OTOG: variants seen among roughly 807,000 people sequenced by gnomAD.
OTOG encodes the protein otogelin.
A neutral mutation model predicts 313.8 loss-of-function variants in OTOG; 296 were observed. The ratio of observed to expected loss-of-function variants is 0.94; its 90% CI spans 0.86 to 1.04. The LOEUF is 1.04. Ranked by LOEUF, OTOG falls within the 50% of genes least tolerant of loss-of-function variation. OTOG has a pLI of 0.00. For synonymous variants in OTOG, 1,533 were observed against 1,554.9 expected (o/e 0.99, Z 0.33); for missense variants, 3,948 against 3,840.1 (o/e 1.03, Z -0.74).
At chr11:17,592,834 A>G (rs898679998) in intron 25 of OTOG, among the ~76,000 whole-genome samples, 3 of 152,246 alleles carry the variant, frequency 2.0e-5, no homozygotes, top group Non-Finnish European at 4.4e-5. Context: ...AGCTACATAC[A>G]TTTAAAATAT....
rs1853517103 is a variant in OTOG at position 17,610,875 on chromosome 11, G to C, written c.5575G>C (p.Ala1859Pro). 1 of 1,550,748 alleles carries C rather than the reference G, an allele frequency of 6.4e-7. No individual in the cohort carries two copies. Among genetic ancestry groups the C allele is most frequent in the East Asian group, 2.4e-5 (1 of 40,904 alleles). The part of the protein sequence containing the change: ...LPFTPAAMTQ[A>P]HPPTHIAPPA... ...TTTCACTCCAGCAGCAATGACCCAG[G>C]CGCACCCACCCACTCACATAGCACC... The change falls in exon 36 of 56, where the codon GCG becomes CCG. Residue 1859 changes from alanine (A) to proline (P), a missense_variant. Physicochemically the swap from Ala to Pro is conservative, Grantham distance 27. Coordinates refer to ENST00000399397, the MANE Select transcript of OTOG (RefSeq NM_001292063.2).
At chr11:17,635,326 G>A in intron 46 of OTOG, 139 bp downstream of exon 46, 1 of 707,190 alleles carries the variant, frequency 1.4e-6, no homozygotes, top group East Asian at 2.7e-5. Flanking sequence ...CAAGCTCACT[G>A]TCCAGGAAAC....
rs1440187610 is a variant in OTOG, at chr11:17,645,821, C to T, written c.8619C>T (p.Phe2873=). 5.8e-6 allele frequency: 9 copies of T among 1,550,958 alleles called. No homozygotes were observed. The highest frequency in any genetic ancestry group is 7.8e-6 in the Non-Finnish European group (9 of 1,147,108). The change falls in exon 56 of 56, where the codon TTC becomes TTT. Residue 2873 remains phenylalanine, a synonymous_variant. Coordinates refer to ENST00000399397, the MANE Select transcript of OTOG (RefSeq NM_001292063.2). ...ACAACATCAACACCTATGCCCGATT[C>T]TGCAAGTGCTGCCGTGAGGTGGGCC... ...YNYNINTYAR[F]CKCCREVGLQ...
intron 37 of OTOG, 74 bp downstream of exon 37, chr11:17,612,404 CTG>C (rs1853583805): frequency 6.8e-7 from 1 of 1,463,802 alleles, no homozygotes; most frequent in African/African-American, 1.4e-5. Flanking sequence ...CATCCCTGAT[CTG>C]TGTGTCCCAG....
chr11:17,552,559 C>CCTGTGTCCCTCACCTGTA (rs1851962761), intron 4 of OTOG, among the ~76,000 whole-genome samples: 3 of 149,828 alleles, frequency 2.0e-5, no homozygotes, highest in African/African-American at 7.5e-5. Flanking sequence ...CCCCACCTGT[C>CCTGTGTCCCTCACCTGTA]CTGTGTCCCC....
In OTOG at chr11:17,555,707, CAAT is replaced by C. The variant is rs575306521; in HGVS notation, c.541-69_541-67del. ...ACAGCCATCGGCATTAGTGAAAACT[CAAT>C]AAGGTGTGAAGCTCAGGGTCAGGCC... On this transcript the variant is annotated intron_variant, in intron 6 of 55. Coordinates refer to ENST00000399397, the MANE Select transcript of OTOG (RefSeq NM_001292063.2). The C allele has an allele frequency of 4.8e-4, 614 of 1,269,738 alleles. 1 individual carries two copies. In the African/African-American group the frequency reaches 8.1e-3, roughly 17 times the overall value. The allele number at this position is 1,269,738 out of a possible 1,614,324, so 78.7% of individuals were successfully genotyped here. A position where few individuals can be genotyped will look rare whatever the true frequency, so the allele number is the denominator to read the frequency against.
At chr11:17,578,904 T>A (rs1852601853) in intron 23 of OTOG, among the ~76,000 whole-genome samples, 2 of 152,170 alleles carry the variant, frequency 1.3e-5, no homozygotes, top group Admixed American at 1.3e-4. Context: ...AGTTCAGCTC[T>A]CAACCTCTTC....
chr11:17,608,519 G>A lies in OTOG; in HGVS notation c.4274+106G>A, dbSNP rs7131514. ...GTGTTTCATATGTTGAGTGTATGGG[G>A]ATGTGTGTACCACGGTAACTGTGTC... On this transcript the variant is annotated intron_variant, in intron 34 of 55. Transcript: ENST00000399397. The A allele has an allele frequency of 2.6e-3, 1,970 of 743,570 alleles. 25 individuals are homozygous for A. The African/African-American group carries it at 0.032, about 12-fold the overall frequency. 46.1% of individuals were successfully genotyped at this position (743,570 alleles called of 1,614,324 possible).
chr11:17,609,235 TC>T (rs1160857559), intron 35 of OTOG, 26 bp downstream of exon 35: 91 of 1,540,164 alleles, frequency 5.9e-5, no homozygotes, highest in Non-Finnish European at 7.5e-5. Context: ...TTCTCATCCT[TC>T]CCTCAGATTT....
chr11:17,575,206 T>C (rs1376723210), intron 20 of OTOG, among the ~76,000 whole-genome samples: 3 of 152,260 alleles, frequency 2.0e-5, no homozygotes, highest in Non-Finnish European at 4.4e-5. Context: ...ACATAATTTA[T>C]TGACTTTCTG....
At chr11:17,635,837 C>A in intron 47 of OTOG, 126 bp downstream of exon 47, 1 of 749,770 alleles carries the variant, frequency 1.3e-6, no homozygotes, top group Non-Finnish European at 2.2e-6. Context: ...TCTGGAGGGG[C>A]CGAGCAGCTG....
chr11:17,550,230 C>T (rs1264128423), intron 3 of OTOG, among the ~76,000 whole-genome samples: 1 of 152,204 alleles, frequency 6.6e-6, no homozygotes, highest in African/African-American at 2.4e-5. Flanking sequence ...ATGTTCATCA[C>T]TACTTCAAAA....
chr11:17,594,946 G>T (rs115771758), intron 28 of OTOG, among the ~76,000 whole-genome samples: 4,316 of 152,338 alleles, frequency 0.028, 207 homozygotes, highest in African/African-American at 0.099. Flanking sequence ...GTCAAGCTCA[G>T]CTGGAAGGAG....
chr11:17,641,140 G>C, intron 51 of OTOG, 49 bp downstream of exon 51: 1 of 1,495,832 alleles, frequency 6.7e-7, no homozygotes, highest in Non-Finnish European at 8.9e-7. Context: ...GGGCTTGCCT[G>C]GCAGACCTTG....
intron 3 of OTOG, among the ~76,000 whole-genome samples, chr11:17,550,101 T>G (rs1851901553): frequency 6.6e-6 from 1 of 152,236 alleles, no homozygotes; most frequent in Non-Finnish European, 1.5e-5. Context: ...AGCATCCTTT[T>G]CAATTATTAT....
chr11:17,601,802 G>T (rs933900074), intron 31 of OTOG, among the ~76,000 whole-genome samples: 1 of 152,204 alleles, frequency 6.6e-6, no homozygotes, highest in Non-Finnish European at 1.5e-5. Context: ...CAGGTTTATT[G>T]TCCCTCAGGC....
intron 39 of OTOG, among the ~76,000 whole-genome samples, chr11:17,620,329 G>A (rs1378211925): frequency 1.3e-5 from 2 of 152,106 alleles, no homozygotes; most frequent in African/African-American, 2.4e-5. Flanking sequence ...CATATAAGTG[G>A]AGTCAGACAA....
At chr11:17,576,521 C>A in intron 20 of OTOG, 35 bp from the exon 21 acceptor site, 1 of 1,516,180 alleles carries the variant, frequency 6.6e-7, no homozygotes, top group Non-Finnish European at 9.0e-7. Context: ...AGCTCCTGAG[C>A]CTGCTCACCT....
rs2134009776 is a variant in OTOG at position 17,560,774 on chromosome 11, CTG to C, written c.1410_1411del (p.Tyr471ProfsTer30). 1 of 1,550,746 alleles carries C rather than the reference CTG, an allele frequency of 6.4e-7. No homozygotes were observed. The highest frequency in any genetic ancestry group is 1.2e-5 in the South Asian group (1 of 84,048). The part of the protein sequence containing the change: ...AECPCEFHGT[L>X]YPPGSVVKED... ...GTGTCCCTGTGAGTTTCACGGGACT[CTG>C]TACCCACCTGGCTCTGTGGTGAAGG... is the stretch of plus-strand genomic sequence containing the variant. On this transcript the variant is annotated frameshift_variant, in exon 13 of 56. Coordinates refer to ENST00000399397, the MANE Select transcript of OTOG (RefSeq NM_001292063.2). LOFTEE classifies it high-confidence loss of function.
Sources: gnomAD v4.1 joint callset for allele counts (sites outside exome capture counted in the v4.1 genomes callset) on GRCh38, gnomAD v4.1.1 for gene constraint, MANE v1.5 for transcripts, NCBI Gene and HGNC (gene_info 2026-07-23, HGNC 2026-07-21) for gene names.